CELF2: variants seen among roughly 807,000 people sequenced by gnomAD.
CELF2 encodes the protein CUGBP Elav-like family member 2.
A neutral mutation model predicts 62.6 loss-of-function variants in CELF2; 8 were observed. That is an observed-to-expected ratio of 0.13 (90% CI 0.07 to 0.23). The LOEUF is 0.23. CELF2 is among the 10% of genes least tolerant of loss of function. The pLI, the probability that CELF2 is intolerant of heterozygous loss-of-function variation, is 1.00. For missense variants in CELF2, 333 were observed against 671.0 expected, an observed-to-expected ratio of 0.50 and a Z score of 5.56; for synonymous variants, 258 against 250.0, an observed-to-expected ratio of 1.03 and a Z score of -0.30.
At chr10:11,064,029 CA>C (rs1311267713) in intron 1 of CELF2, among the ~76,000 whole-genome samples, 2 of 152,188 alleles carry the variant, frequency 1.3e-5, no homozygotes, top group Admixed American at 6.5e-5. Context: ...GTGCCTTCAG[CA>C]GATACTTTAA....
chr10:11,054,120 G>A (rs1239066388), intron 1 of CELF2, among the ~76,000 whole-genome samples: 4 of 152,192 alleles, frequency 2.6e-5, no homozygotes, highest in Non-Finnish European at 4.4e-5. Flanking sequence ...GCTGTGACAA[G>A]TGAGATGTTG....
rs2058030301 is a variant in CELF2, at chr10:11,197,052, A to AGAAAGAAAGAAAGAAAGAAG, written c.272-20365_272-20364insGAAAGAAAGAAGGAAAGAAA. ...AAGAAAGAAAGAAAGAAAGAAAGAA[A>AGAAAGAAAGAAAGAAAGAAG]GAAAGAAAAGAAAGAAAGGAAAGAA... On this transcript the variant is annotated intron_variant, in intron 2 of 12. Coordinates refer to ENST00000633077, the MANE Select transcript of CELF2 (RefSeq NM_001326342.2). Among the ~76,000 whole-genome samples the AGAAAGAAAGAAAGAAAGAAG allele has an allele frequency of 5.0e-4, 16 of 31,686 alleles. 2 individuals carry two copies. Among genetic ancestry groups the AGAAAGAAAGAAAGAAAGAAG allele is most frequent in the African/African-American group, 2.0e-3 (16 of 7,828 alleles). 20.8% of individuals were successfully genotyped at this position (31,686 alleles called of 152,430 possible). A position where few individuals can be genotyped will look rare whatever the true frequency, so the allele number is the denominator to read the frequency against.
intron 9 of CELF2, among the ~76,000 whole-genome samples, chr10:11,303,960 G>T (rs187956870): frequency 2.6e-5 from 4 of 152,218 alleles, no homozygotes; most frequent in African/African-American, 9.6e-5. Flanking sequence ...TGAGCAGCAC[G>T]TGGCAAGCAC....
the CELF2 span, among the ~76,000 whole-genome samples, chr10:10,744,839 G>A: frequency 6.6e-6 from 1 of 151,972 alleles, no homozygotes; most frequent in African/African-American, 2.4e-5. Flanking sequence ...TCTAGGAGGA[G>A]GAGGGAGATT....
chr10:11,040,708 T>C (rs544391072), intron 1 of CELF2, among the ~76,000 whole-genome samples: 2 of 151,632 alleles, frequency 1.3e-5, no homozygotes, highest in South Asian at 4.2e-4. Context: ...CTCATGGAAA[T>C]GATTTTTTAT....
At chr10:11,017,671 C>CCCGGGCGGGGGAGCAGAG (rs2057451241), upstream of CELF2, among the ~76,000 whole-genome samples, 11 of 152,236 alleles carry the variant, frequency 7.2e-5, no homozygotes, top group South Asian at 1.9e-3. The surrounding 1 kb of genome is among the most constrained non-coding windows in gnomAD (Gnocchi z 5.5). Context: ...GCCAGGGACC[C>CCCGGGCGGGGGAGCAGAG]CCGGGCGGGG....
At chr10:10,745,130 A>G in the CELF2 span, among the ~76,000 whole-genome samples, 1 of 136,830 alleles carries the variant, frequency 7.3e-6, no homozygotes, top group Non-Finnish European at 1.6e-5. Context: ...AAAAAAAACA[A>G]AACAAAAAAA....
chr10:10,801,712 G>T (rs780015146), intron 1 of CELF2, among the ~76,000 whole-genome samples: 1 of 152,182 alleles, frequency 6.6e-6, no homozygotes, highest in African/African-American at 2.4e-5. Context: ...TTAAACCCAC[G>T]TAACCTGGAA....
chr10:10,900,654 C>A (rs1480864415), intron 1 of CELF2, among the ~76,000 whole-genome samples: 1 of 152,102 alleles, frequency 6.6e-6, no homozygotes, highest in Non-Finnish European at 1.5e-5. Flanking sequence ...AGGTCAGGAA[C>A]TAGACAGTGA....
the CELF2 span, among the ~76,000 whole-genome samples, chr10:10,474,897 G>A: frequency 4.6e-5 from 7 of 152,062 alleles, no homozygotes; most frequent in African/African-American, 1.2e-4. Context: ...AATGGGAAGC[G>A]GACAGACTTA....
At chr10:11,107,545 G>T (rs2053843561) in intron 1 of CELF2, among the ~76,000 whole-genome samples, 1 of 152,024 alleles carries the variant, frequency 6.6e-6, no homozygotes, top group African/African-American at 2.4e-5. Flanking sequence ...GCAGTCCCAA[G>T]TATTTGACAA....
chr10:11,287,377 G>A (rs543982368), intron 8 of CELF2, among the ~76,000 whole-genome samples: 21 of 152,234 alleles, frequency 1.4e-4, no homozygotes, highest in African/African-American at 4.1e-4. Context: ...AGATGGAAGC[G>A]GGCTACAGGG....
chr10:10,802,871 G>T (rs2054812157), intron 1 of CELF2, among the ~76,000 whole-genome samples: 1 of 152,102 alleles, frequency 6.6e-6, no homozygotes, highest in African/African-American at 2.4e-5. Context: ...ATGCCTTAAA[G>T]ATGTCAAAAG....
Position 11,270,571 on chromosome 10 carries a change from G to A in CELF2, c.619-95G>A. 2.7e-6 allele frequency: 3 copies of A among 1,101,962 alleles called. No homozygotes were observed. Among genetic ancestry groups the A allele is most frequent in the Non-Finnish European group, 2.4e-6 (2 of 817,788 alleles). 68.3% of individuals were successfully genotyped at this position (1,101,962 alleles called of 1,614,324 possible). A position where few individuals can be genotyped will look rare whatever the true frequency, so the allele number is the denominator to read the frequency against. On this transcript the variant is annotated intron_variant, in intron 6 of 12. Coordinates refer to ENST00000633077, the MANE Select transcript of CELF2 (RefSeq NM_001326342.2). The surrounding 1 kb of genome is among the most constrained non-coding windows in gnomAD (Gnocchi z 5.8). Reference sequence around the variant, plus strand: ...ATTTCAGCCCATTCCATGTGCTCCAGGCTAGTGCAGAAAGGTAGCTCCGGT... The same window carrying A: ...ATTTCAGCCCATTCCATGTGCTCCAAGCTAGTGCAGAAAGGTAGCTCCGGT...
the CELF2 span, among the ~76,000 whole-genome samples, chr10:10,656,548 AT>A: frequency 2.2e-5 from 3 of 134,540 alleles, no homozygotes. Flanking sequence ...GCCATAAAAA[AT>A]GATGAGTTCA....
chr10:10,698,472 G>T, the CELF2 span, among the ~76,000 whole-genome samples: 402 of 152,310 alleles, frequency 2.6e-3, 4 homozygotes, highest in African/African-American at 9.2e-3. Context: ...ATATACATAT[G>T]TAACATTCTT....
At chr10:10,722,755 T>A in the CELF2 span, among the ~76,000 whole-genome samples, 6 of 152,084 alleles carry the variant, frequency 3.9e-5, no homozygotes, top group East Asian at 7.7e-4. Flanking sequence ...ATGGGAAAAA[T>A]TAACAATGAC....
the CELF2 span, among the ~76,000 whole-genome samples, chr10:10,508,802 A>G: frequency 1.3e-5 from 2 of 151,506 alleles, no homozygotes; most frequent in Non-Finnish European, 2.9e-5. Context: ...CCGCCTTTCA[A>G]GTAGCTGGGA....
At chr10:10,970,250 A>C (rs969639954) in intron 2 of CELF2, among the ~76,000 whole-genome samples, 1 of 151,980 alleles carries the variant, frequency 6.6e-6, no homozygotes, top group Non-Finnish European at 1.5e-5. Context: ...TGCTTTTAAG[A>C]GATACGGGGT....
Sources: gnomAD v4.1 joint callset for allele counts (sites outside exome capture counted in the v4.1 genomes callset) on GRCh38, gnomAD v4.1.1 for gene constraint, Gnocchi (gnomAD v3.1) non-coding constraint, MANE v1.5 for transcripts, NCBI Gene and HGNC (gene_info 2026-07-23, HGNC 2026-07-21) for gene names.